Variants in BMPR1A observed in about 807,000 individuals in gnomAD.
BMPR1A encodes the protein bone morphogenetic protein receptor type 1A, also known as bone morphogenetic protein receptor type-1A.
A neutral mutation model predicts 66.0 loss-of-function variants in BMPR1A; 7 were observed. The ratio of observed to expected loss-of-function variants is 0.11; its 90% CI spans 0.06 to 0.20. BMPR1A has a LOEUF of 0.20. Among genes scored for constraint, BMPR1A ranks in the 10% least tolerant of loss-of-function variants. The pLI, the probability that BMPR1A is intolerant of heterozygous loss-of-function variation, is 1.00. For synonymous variants in BMPR1A, 200 were observed against 229.7 expected (o/e 0.87, Z 1.17); for missense variants, 408 against 669.1 (o/e 0.61, Z 4.31).
chr10:86,892,080 T>C (rs748971979), intron 4 of BMPR1A, 47 bp from the exon 5 acceptor site: 2 of 1,504,256 alleles, frequency 1.3e-6, no homozygotes, highest in East Asian at 4.6e-5. Flanking sequence ...GTTAGTACTT[T>C]CTATGTGAAT....
chr10:86,765,700 A>C (rs1841151165), intron 1 of BMPR1A, among the ~76,000 whole-genome samples: 1 of 152,176 alleles, frequency 6.6e-6, no homozygotes, highest in Non-Finnish European at 1.5e-5. Flanking sequence ...TTACCATAGA[A>C]CTGTGTGTTT....
chr10:86,833,947 T>C (rs1842307140), intron 1 of BMPR1A, among the ~76,000 whole-genome samples: 1 of 152,208 alleles, frequency 6.6e-6, no homozygotes. Flanking sequence ...CCAGGTTCTT[T>C]CTATCTTTTA....
chr10:86,787,882 G>GCCC lies in BMPR1A; in HGVS notation c.-268+30970_-268+30972dup, dbSNP rs34964359. Among the ~76,000 whole-genome samples the GCCC allele has an allele frequency of 2.7e-4, 40 of 149,432 alleles. 1 individual carries two copies. The highest frequency in any genetic ancestry group is 6.4e-4 in the African/African-American group (26 of 40,580). ...CATGAGTACAGCAAGGGGGAAATCT[G>GCCC]CCCCCCCCCATAATCCAATCATCTC... On this transcript the variant is annotated intron_variant, in intron 1 of 12. Coordinates refer to ENST00000372037, the MANE Select transcript of BMPR1A (RefSeq NM_004329.3).
At chr10:86,769,064 G>T (rs1208090272) in intron 1 of BMPR1A, among the ~76,000 whole-genome samples, 1 of 152,172 alleles carries the variant, frequency 6.6e-6, no homozygotes, top group Non-Finnish European at 1.5e-5. Context: ...ATCTGATCTT[G>T]TTGCTTTCTA....
At chr10:86,778,727 T>C (rs1841392660) in intron 1 of BMPR1A, among the ~76,000 whole-genome samples, 1 of 152,100 alleles carries the variant, frequency 6.6e-6, no homozygotes, top group Non-Finnish European at 1.5e-5. Context: ...TTTGTATCCT[T>C]TAACAAATTT....
At chr10:86,884,085 T>C (rs1843031855) in intron 3 of BMPR1A, among the ~76,000 whole-genome samples, 1 of 151,766 alleles carries the variant, frequency 6.6e-6, no homozygotes, top group African/African-American at 2.4e-5. Context: ...GCCAGGCTGG[T>C]TTGAACTCCT....
chr10:86,921,280 A>G (rs1008110632), intron 10 of BMPR1A, among the ~76,000 whole-genome samples: 1 of 152,070 alleles, frequency 6.6e-6, no homozygotes, highest in Admixed American at 6.6e-5. Context: ...TATCGGACTT[A>G]GTGTTTTGCT....
At chr10:86,780,672 A>G (rs1421364178) in intron 1 of BMPR1A, among the ~76,000 whole-genome samples, 1 of 151,842 alleles carries the variant, frequency 6.6e-6, no homozygotes, top group Non-Finnish European at 1.5e-5. Context: ...TGACCTCATG[A>G]TCCTCCTGCC....
chr10:86,794,243 A>AT (rs530107349), intron 1 of BMPR1A, among the ~76,000 whole-genome samples: 2,244 of 148,876 alleles, frequency 0.015, 23 homozygotes, highest in African/African-American at 0.031. Context: ...AATTTTATCT[A>AT]TTTTTTTTTT....
At chr10:86,898,595 G>A (rs895881409) in intron 5 of BMPR1A, among the ~76,000 whole-genome samples, 1 of 152,152 alleles carries the variant, frequency 6.6e-6, no homozygotes, top group African/African-American at 2.4e-5. Context: ...AGAATTGTTC[G>A]TTTTTCTCCT....
chr10:86,808,299 T>C (rs1020656702), intron 1 of BMPR1A, among the ~76,000 whole-genome samples: 4 of 152,198 alleles, frequency 2.6e-5, no homozygotes, highest in African/African-American at 9.6e-5. Context: ...TGTCATCTTT[T>C]TAATTAATTG....
At chr10:86,865,560 A>T (rs532652354) in intron 2 of BMPR1A, among the ~76,000 whole-genome samples, 1 of 152,344 alleles carries the variant, frequency 6.6e-6, no homozygotes, top group African/African-American at 2.4e-5. Flanking sequence ...TATTGCTCAC[A>T]CAAAGCCTGT....
At chr10:86,903,407 G>C (rs1395637514) in intron 7 of BMPR1A, among the ~76,000 whole-genome samples, 14 of 151,870 alleles carry the variant, frequency 9.2e-5, no homozygotes, top group Admixed American at 9.2e-4. Flanking sequence ...TAATATACTA[G>C]ATGAAATTAG....
chr10:86,921,805 G>A (rs1843669575), intron 11 of BMPR1A, 110 bp downstream of exon 11: 2 of 1,360,590 alleles, frequency 1.5e-6, no homozygotes, highest in Middle Eastern at 1.8e-4. Context: ...CATAGTAGGT[G>A]TATATATTAT....
intron 5 of BMPR1A, among the ~76,000 whole-genome samples, chr10:86,895,354 A>C (rs1023688079): frequency 3.9e-5 from 6 of 151,950 alleles, no homozygotes; most frequent in African/African-American, 1.2e-4. Context: ...CCTGATCAAC[A>C]TGGCGACACC....
chr10:86,855,295 C>T, intron 2 of BMPR1A: 2 of 1,060,444 alleles, frequency 1.9e-6, no homozygotes, highest in Non-Finnish European at 2.6e-6. Context: ...TTCTGTCTTC[C>T]ACCCAATCAA....
intron 1 of BMPR1A, among the ~76,000 whole-genome samples, chr10:86,829,822 T>A (rs1244087749): frequency 6.6e-6 from 1 of 152,252 alleles, no homozygotes; most frequent in East Asian, 1.9e-4. Flanking sequence ...ATAATCTCTT[T>A]CCCTAGTTTT....
chr10:86,795,979 A>T (rs938889042), intron 1 of BMPR1A, among the ~76,000 whole-genome samples: 2 of 152,164 alleles, frequency 1.3e-5, no homozygotes, highest in Non-Finnish European at 2.9e-5. Context: ...CATGAATTAG[A>T]TTGTGTGTTT....
At chr10:86,863,533 A>G (rs1041154471) in intron 2 of BMPR1A, among the ~76,000 whole-genome samples, 1 of 152,162 alleles carries the variant, frequency 6.6e-6, no homozygotes, top group Admixed American at 6.5e-5. Flanking sequence ...AAGAGTTCCA[A>G]AGTAATTGAG....
Sources: gnomAD v4.1 joint callset for allele counts (sites outside exome capture counted in the v4.1 genomes callset) on GRCh38, gnomAD v4.1.1 for gene constraint, MANE v1.5 for transcripts, NCBI Gene and HGNC (gene_info 2026-07-23, HGNC 2026-07-21) for gene names.